Variants in GABRG3 observed in about 807,000 individuals in gnomAD.
GABRG3 encodes the protein gamma-aminobutyric acid type A receptor subunit gamma3, also known as gamma-aminobutyric acid receptor subunit gamma-3.
GABRG3 carries 25 observed loss-of-function variants against 48.8 expected under a neutral mutation model. The ratio of observed to expected loss-of-function variants is 0.51; its 90% CI spans 0.37 to 0.72. The LOEUF (loss-of-function observed/expected upper bound fraction) is 0.72, where lower values mean the gene tolerates loss of function less well. GABRG3 is among the 30% of genes least tolerant of loss of function. The probability of loss-of-function intolerance (pLI) is 0.00; values close to 1 mark genes in which losing one functional copy is unlikely to be tolerated. For missense variants in GABRG3, 394 were observed against 577.9 expected, an observed-to-expected ratio of 0.68 and a Z score of 3.26; for synonymous variants, 227 against 217.6, an observed-to-expected ratio of 1.04 and a Z score of -0.38.
At chr15:27,313,295 T>TATAC (rs1893090037) in intron 3 of GABRG3, among the ~76,000 whole-genome samples, 1 of 104,934 alleles carries the variant, frequency 9.5e-6, no homozygotes, top group Non-Finnish European at 1.9e-5. Flanking sequence ...TATATATATA[T>TATAC]ATATATATAT....
intron 3 of GABRG3, among the ~76,000 whole-genome samples, chr15:27,050,489 T>C (rs1896438609): frequency 6.6e-6 from 1 of 152,182 alleles, no homozygotes; most frequent in African/African-American, 2.4e-5. Flanking sequence ...CGTCCTGCTG[T>C]TCCTAGGATA....
chr15:27,184,855 T>A (rs77159409), intron 3 of GABRG3, among the ~76,000 whole-genome samples: 2,724 of 152,304 alleles, frequency 0.018, 87 homozygotes, highest in African/African-American at 0.061. Context: ...CATTATCCTT[T>A]TAATGGCTGC....
chr15:27,089,228 T>C (rs568613505), intron 3 of GABRG3, among the ~76,000 whole-genome samples: 74 of 152,056 alleles, frequency 4.9e-4, no homozygotes, highest in Non-Finnish European at 7.8e-4. Flanking sequence ...TGGCCAAGCA[T>C]TGGGGAATCA....
intron 4 of GABRG3, among the ~76,000 whole-genome samples, chr15:27,328,512 A>G (rs1294777447): frequency 6.6e-6 from 1 of 152,246 alleles, no homozygotes; most frequent in Non-Finnish European, 1.5e-5. Flanking sequence ...CAACTTATAA[A>G]ACAACAGTTG....
At position 26,976,865 on chromosome 15, in the gene GABRG3, G is replaced by A. The variant is rs1480305566; in HGVS notation, c.54-137G>A. 1.4e-6 allele frequency: 1 copy of A among 731,080 alleles called. No individual in the cohort carries two copies. Among genetic ancestry groups the A allele is most frequent in the African/African-American group, 1.8e-5 (1 of 55,916 alleles). The allele number at this position is 731,080 out of a possible 1,614,324, so 45.3% of individuals were successfully genotyped here. On this transcript the variant is annotated intron_variant, in intron 1 of 9. Transcript: ENST00000615808. The surrounding 1 kb of genome is among the most constrained non-coding windows in gnomAD (Gnocchi z 7.8). ...TCTTTCTTTTTAGAAAATATTTTCG[G>A]GTTTTCACGTGTGTGGTTGGGCTGT... is the stretch of plus-strand genomic sequence containing the variant.
intron 5 of GABRG3, among the ~76,000 whole-genome samples, chr15:27,441,080 G>T (rs1344406202): frequency 6.6e-6 from 1 of 152,094 alleles, no homozygotes; most frequent in African/African-American, 2.4e-5. Flanking sequence ...AAGATCAAGG[G>T]GTTGTTGTTT....
In GABRG3 at chr15:27,527,423, C is replaced by T; in HGVS notation, c.866-10C>T. On this transcript the variant is annotated splice_polypyrimidine_tract_variant and intron_variant, in intron 7 of 9. Coordinates refer to ENST00000615808, the MANE Select transcript of GABRG3 (RefSeq NM_033223.5). ...ACCCTTTTACAACATGCTACCCGTC[C>T]CCTGTTCAGGCATCACCACGGTGCT... 1 of 1,611,126 alleles carries T rather than the reference C, an allele frequency of 6.2e-7. No individual in the cohort carries two copies. Among genetic ancestry groups the T allele is most frequent in the Non-Finnish European group, 8.5e-7 (1 of 1,178,218 alleles).
chr15:27,110,549 G>A (rs1822842073), intron 3 of GABRG3, among the ~76,000 whole-genome samples: 2 of 148,854 alleles, frequency 1.3e-5, no homozygotes, highest in South Asian at 4.3e-4. Flanking sequence ...CATATTTTTT[G>A]TAGAGCAGGT....
intron 2 of GABRG3, among the ~76,000 whole-genome samples, chr15:27,007,903 A>G (rs1895617616): frequency 6.6e-6 from 1 of 152,072 alleles, no homozygotes; most frequent in Non-Finnish European, 1.5e-5. Flanking sequence ...GAAGCTCTTT[A>G]GTTTAATTAG....
chr15:27,060,749 C>G (rs1896630914), intron 3 of GABRG3, among the ~76,000 whole-genome samples: 1 of 152,212 alleles, frequency 6.6e-6, no homozygotes. Flanking sequence ...TCCTTTGCCA[C>G]TTTCACTGGT....
At position 27,253,208 on chromosome 15, in the gene GABRG3, C is replaced by T. The variant is rs75141080; in HGVS notation, c.271-73601C>T. Among the ~76,000 whole-genome samples, 1,421 of 152,286 alleles carry T rather than the reference C, an allele frequency of 9.3e-3. 24 individuals are homozygous for T. Among genetic ancestry groups the T allele is most frequent in the East Asian group, 0.065 (335 of 5,166 alleles). On this transcript the variant is annotated intron_variant, in intron 3 of 9. Coordinates refer to ENST00000615808, the MANE Select transcript of GABRG3 (RefSeq NM_033223.5). The stretch of plus-strand genomic sequence containing the variant: ...CTAAGAAGGCACCGCAAAGGCTGGA[C>T]GCATCAAATCATAGGCCCATCTTTT...
intron 3 of GABRG3, among the ~76,000 whole-genome samples, chr15:27,272,732 G>A (rs1891130199): frequency 6.6e-6 from 1 of 152,116 alleles, no homozygotes; most frequent in South Asian, 2.1e-4. Context: ...CTTCAAAAAG[G>A]CATTGCTTGT....
At chr15:27,080,052 G>A (rs769923790) in intron 3 of GABRG3, among the ~76,000 whole-genome samples, 1 of 152,140 alleles carries the variant, frequency 6.6e-6, no homozygotes, top group Non-Finnish European at 1.5e-5. Flanking sequence ...AAGAAGCCAA[G>A]TCCATTTGGA....
intron 3 of GABRG3, among the ~76,000 whole-genome samples, chr15:27,147,938 C>T (rs1332569502): frequency 6.6e-6 from 1 of 151,080 alleles, no homozygotes; most frequent in Admixed American, 6.6e-5. Flanking sequence ...TAATCCAAAG[C>T]AAGCAGAAAA....
At chr15:27,198,171 C>T (rs1888558696) in intron 3 of GABRG3, among the ~76,000 whole-genome samples, 1 of 152,152 alleles carries the variant, frequency 6.6e-6, no homozygotes, top group Non-Finnish European at 1.5e-5. Flanking sequence ...AACTAAAGAG[C>T]TTCTGCACAG....
intron 3 of GABRG3, among the ~76,000 whole-genome samples, chr15:27,065,375 G>A (rs1008481991): frequency 3.9e-5 from 6 of 152,202 alleles, no homozygotes; most frequent in Non-Finnish European, 8.8e-5. Flanking sequence ...ATCTGAGGCT[G>A]TTACATTATT....
chr15:26,979,104 G>A (rs1236813580), intron 2 of GABRG3, among the ~76,000 whole-genome samples: 1 of 152,160 alleles, frequency 6.6e-6, no homozygotes, highest in East Asian at 1.9e-4. Flanking sequence ...GAATAGTACT[G>A]TATTTTAACA....
intron 3 of GABRG3, among the ~76,000 whole-genome samples, chr15:27,209,907 T>A (rs1273647201): frequency 5.3e-5 from 8 of 152,186 alleles, no homozygotes; most frequent in Non-Finnish European, 1.5e-5. Flanking sequence ...GTCTTTCCTC[T>A]GCACGTGCAT....
intron 5 of GABRG3, among the ~76,000 whole-genome samples, chr15:27,427,164 T>C (rs1193651262): frequency 6.6e-6 from 1 of 152,214 alleles, no homozygotes; most frequent in Non-Finnish European, 1.5e-5. Flanking sequence ...TATAATTGTG[T>C]TTTATAGTAA....
Sources: allele counts gnomAD v4.1 joint callset (sites outside exome capture counted in the v4.1 genomes callset), GRCh38; gene constraint gnomAD v4.1.1; non-coding constraint Gnocchi (gnomAD v3.1); transcripts MANE v1.5; gene names NCBI Gene and HGNC (gene_info 2026-07-23, HGNC 2026-07-21).